NALF1: variants seen among roughly 807,000 people sequenced by gnomAD.
NALF1 encodes the protein NALCN channel auxiliary factor 1.
In NALF1, 3 loss-of-function variants were observed where a neutral mutation model predicts 48.4. The observed-to-expected ratio is 0.06, with a 90% confidence interval of 0.03 to 0.16. The LOEUF (loss-of-function observed/expected upper bound fraction) is 0.16, where lower values mean the gene tolerates loss of function less well. Among genes scored for constraint, NALF1 ranks in the 10% least tolerant of loss-of-function variants. NALF1 has a pLI of 1.00. For synonymous variants in NALF1, 262 were observed against 245.7 expected (o/e 1.07, Z -0.62); for missense variants, 526 against 571.5 (o/e 0.92, Z 0.81).
Position 107,659,512 on chromosome 13 carries a change from C to CT in NALF1, c.915+206169dup, listed in dbSNP as rs68180355. ...TTCCCCTATAGCATTTATTTGGCAT[C>CT]TTTTTTTTTTTGAAACATACAGTAG... On this transcript the variant is annotated intron_variant, in intron 1 of 2. Coordinates refer to ENST00000375915, the MANE Select transcript of NALF1 (RefSeq NM_001080396.3). 2.5e-4 allele frequency among the ~76,000 whole-genome samples: 38 copies of CT among 149,084 alleles called. 1 individual carries two copies. The highest frequency in any genetic ancestry group is 2.2e-3 in the East Asian group (11 of 5,062).
intron 1 of NALF1, among the ~76,000 whole-genome samples, chr13:107,339,992 T>TAA (rs1363503823): frequency 6.6e-6 from 1 of 152,128 alleles, no homozygotes; most frequent in African/African-American, 2.4e-5. Flanking sequence ...TATTCTCAAG[T>TAA]AATTGTCATT....
intron 1 of NALF1, among the ~76,000 whole-genome samples, chr13:107,516,325 T>G (rs140494783): frequency 6.6e-6 from 1 of 152,124 alleles, no homozygotes; most frequent in Non-Finnish European, 1.5e-5. Flanking sequence ...GCAGAAAGCA[T>G]TGTGTGAAGG....
chr13:107,220,988 T>G (rs891938868), intron 1 of NALF1, among the ~76,000 whole-genome samples: 4 of 151,994 alleles, frequency 2.6e-5, no homozygotes, highest in Admixed American at 6.6e-5. Context: ...AAGAACAAAA[T>G]TTCTTTTGCA....
intron 1 of NALF1, among the ~76,000 whole-genome samples, chr13:107,627,486 G>T (rs892046773): frequency 6.6e-6 from 1 of 152,088 alleles, no homozygotes; most frequent in Non-Finnish European, 1.5e-5. Flanking sequence ...GTCTTAATGG[G>T]TGCTAGTGAA....
intron 1 of NALF1, among the ~76,000 whole-genome samples, chr13:107,586,080 T>C (rs1056871435): frequency 1.3e-5 from 2 of 152,048 alleles, no homozygotes; most frequent in East Asian, 1.9e-4. Flanking sequence ...TTTACTTATA[T>C]TGAATATAGA....
At chr13:107,238,462 C>A (rs967556699) in intron 1 of NALF1, among the ~76,000 whole-genome samples, 6 of 152,140 alleles carry the variant, frequency 3.9e-5, no homozygotes, top group African/African-American at 1.2e-4. Flanking sequence ...CCTCTGCTGA[C>A]TGGGGATGGC....
chr13:107,247,701 G>A (rs11616947), intron 1 of NALF1, among the ~76,000 whole-genome samples: 29,495 of 152,204 alleles, frequency 0.19, 3,541 homozygotes, highest in South Asian at 0.41. Flanking sequence ...TTAATTCAAT[G>A]TAGCAAACAG....
intron 1 of NALF1, among the ~76,000 whole-genome samples, chr13:107,221,120 A>G (rs1318622245): frequency 6.6e-6 from 1 of 152,002 alleles, no homozygotes; most frequent in African/African-American, 2.4e-5. Flanking sequence ...GACAGTGGAG[A>G]CTCAGAATGG....
intron 1 of NALF1, among the ~76,000 whole-genome samples, chr13:107,285,897 G>GT: frequency 6.6e-6 from 1 of 152,266 alleles, no homozygotes; most frequent in Admixed American, 6.5e-5. Flanking sequence ...TGCACAGAGT[G>GT]TAAGGGATGG....
intron 1 of NALF1, among the ~76,000 whole-genome samples, chr13:107,801,570 A>G (rs897299291): frequency 6.6e-6 from 1 of 152,188 alleles, no homozygotes; most frequent in African/African-American, 2.4e-5. Flanking sequence ...AATGGAAAAT[A>G]TAAATCAGTG....
At chr13:107,800,500 C>T (rs1298532893) in intron 1 of NALF1, among the ~76,000 whole-genome samples, 1 of 149,280 alleles carries the variant, frequency 6.7e-6, no homozygotes, top group African/African-American at 2.5e-5. Flanking sequence ...CAATGTGTAC[C>T]ATCATAAACC....
rs60784147 is a variant in NALF1, at chr13:107,641,856, G to A, written c.915+223826C>T. ...CAACACCACATGGTACTTCTCAAGC[G>A]TTTCTGTATATTACAACCCCCTGGA... On this transcript the variant is annotated intron_variant, in intron 1 of 2. Transcript: ENST00000375915. Among the ~76,000 whole-genome samples, 3,253 of 152,206 alleles carry A rather than the reference G, an allele frequency of 0.021. 205 individuals carry two copies. The East Asian group carries it at 0.23, about 11-fold the overall frequency.
intron 1 of NALF1, among the ~76,000 whole-genome samples, chr13:107,276,082 G>C (rs890287979): frequency 1.3e-5 from 2 of 152,162 alleles, no homozygotes; most frequent in African/African-American, 4.8e-5. Context: ...GCCACTACCT[G>C]TTACTCTCCT....
intron 1 of NALF1, among the ~76,000 whole-genome samples, chr13:107,535,039 C>G (rs1229526038): frequency 6.6e-6 from 1 of 152,060 alleles, no homozygotes; most frequent in Admixed American, 6.6e-5. Context: ...GATTTTGTAT[C>G]CTGAGACTTT....
At chr13:107,427,875 C>A (rs1830756) in intron 1 of NALF1, among the ~76,000 whole-genome samples, 36,828 of 152,068 alleles carry the variant, frequency 0.24, 4,715 homozygotes, top group Admixed American at 0.3. Context: ...AAAGCTACCT[C>A]TAAAGTTCAA....
At chr13:107,496,569 C>T (rs954836486) in intron 1 of NALF1, among the ~76,000 whole-genome samples, 1 of 152,132 alleles carries the variant, frequency 6.6e-6, no homozygotes, top group South Asian at 2.1e-4. Flanking sequence ...TTTACCACAA[C>T]ATGTAAAACG....
chr13:107,595,116 C>T (rs756089775), intron 1 of NALF1, among the ~76,000 whole-genome samples: 8 of 152,070 alleles, frequency 5.3e-5, no homozygotes, highest in Non-Finnish European at 7.4e-5. Flanking sequence ...ACAGCGACCA[C>T]GGTCCCAGAG....
chr13:107,822,690 C>T (rs1328721163), intron 1 of NALF1, among the ~76,000 whole-genome samples: 10 of 152,146 alleles, frequency 6.6e-5, no homozygotes, highest in Non-Finnish European at 1.5e-5. Flanking sequence ...CTTCACGTTT[C>T]TTTTTATTCT....
chr13:107,730,942 A>T (rs1461856884), intron 1 of NALF1, among the ~76,000 whole-genome samples: 1 of 152,212 alleles, frequency 6.6e-6, no homozygotes, highest in East Asian at 1.9e-4. Context: ...TTCAGCTCAG[A>T]CAAGGGATAA....
Sources: allele counts gnomAD v4.1 joint callset (sites outside exome capture counted in the v4.1 genomes callset), GRCh38; gene constraint gnomAD v4.1.1; transcripts MANE v1.5; gene names NCBI Gene and HGNC (gene_info 2026-07-23, HGNC 2026-07-21).